CTNNAL1: variants seen among roughly 807,000 people sequenced by gnomAD.
CTNNAL1 encodes the protein catenin alpha like 1.
A neutral mutation model predicts 93.6 loss-of-function variants in CTNNAL1; 69 were observed. That is an observed-to-expected ratio of 0.74 (90% CI 0.61 to 0.90). CTNNAL1 has a LOEUF of 0.90. Ranked by LOEUF, CTNNAL1 falls within the 40% of genes least tolerant of loss-of-function variation. The probability of loss-of-function intolerance (pLI) is 0.00; values close to 1 mark genes in which losing one functional copy is unlikely to be tolerated. For synonymous variants in CTNNAL1, 286 were observed against 305.4 expected, an observed-to-expected ratio of 0.94 and a Z score of 0.66; for missense variants, 836 against 862.0, an observed-to-expected ratio of 0.97 and a Z score of 0.38.
At position 108,952,051 on chromosome 9, in the gene CTNNAL1, T is replaced by G. The variant is rs116457070; in HGVS notation, c.1835+158A>C. ...TAATTAAATACATGTGTCTTGTTGT[T>G]GCATTCACTTACGTAAATTGTCATA... On this transcript the variant is annotated intron_variant, in intron 14 of 18. Transcript: ENST00000325551. 2.5e-3 allele frequency among the ~76,000 whole-genome samples: 388 copies of G among 152,360 alleles called. 4 individuals carry two copies. Among genetic ancestry groups the G allele is most frequent in the African/African-American group, 8.7e-3 (360 of 41,590 alleles).
intron 11 of CTNNAL1, 53 bp from the exon 12 acceptor site, chr9:108,955,880 AT>A: frequency 8.7e-7 from 1 of 1,149,892 alleles, no homozygotes; most frequent in Non-Finnish European, 1.2e-6. Flanking sequence ...ATATTTTTCT[AT>A]TATTCATAGT....
chr9:109,001,147 G>A (rs1243611963), intron 1 of CTNNAL1, among the ~76,000 whole-genome samples: 4 of 146,502 alleles, frequency 2.7e-5, no homozygotes, highest in Admixed American at 6.8e-5. Flanking sequence ...ACTCCAGCCC[G>A]GGTGACAGTA....
intron 11 of CTNNAL1, among the ~76,000 whole-genome samples, chr9:108,957,820 T>A (rs1023960159): frequency 6.6e-6 from 1 of 152,042 alleles, no homozygotes; most frequent in African/African-American, 2.4e-5. Context: ...AAAGGGCACA[T>A]TAAACAGAAG....
At chr9:108,990,696 T>C in intron 4 of CTNNAL1, 30 bp downstream of exon 4, 1 of 1,599,844 alleles carries the variant, frequency 6.3e-7, no homozygotes, top group Middle Eastern at 1.7e-4. Flanking sequence ...TGTATTTATC[T>C]GAAGATTGTA....
intron 11 of CTNNAL1, among the ~76,000 whole-genome samples, chr9:108,956,149 G>T (rs1286822090): frequency 6.6e-6 from 1 of 152,180 alleles, no homozygotes; most frequent in Non-Finnish European, 1.5e-5. Context: ...TTTTACAGCA[G>T]TTTGCCTCTA....
At chr9:108,963,377 T>C (rs1830870623) in intron 11 of CTNNAL1, 1 of 152,230 alleles carries the variant, frequency 6.6e-6, no homozygotes, top group African/African-American at 2.4e-5. Flanking sequence ...TTTCAGATGA[T>C]GATGAACTCA....
At chr9:108,980,465 G>A (rs1831395920) in intron 6 of CTNNAL1, among the ~76,000 whole-genome samples, 1 of 152,158 alleles carries the variant, frequency 6.6e-6, no homozygotes, top group South Asian at 2.1e-4. Context: ...ACACTTCAAA[G>A]TCCTTTCACA....
chr9:108,951,772 T>G (rs1830571954), intron 14 of CTNNAL1, among the ~76,000 whole-genome samples: 1 of 152,230 alleles, frequency 6.6e-6, no homozygotes, highest in Non-Finnish European at 1.5e-5. Flanking sequence ...TAATGAATGG[T>G]GACTCACAGA....
intron 8 of CTNNAL1, among the ~76,000 whole-genome samples, chr9:108,973,179 T>G (rs1831167101): frequency 6.6e-6 from 1 of 152,186 alleles, no homozygotes; most frequent in African/African-American, 2.4e-5. Flanking sequence ...TTTTTCATTC[T>G]GTTATCAACC....
chr9:108,957,446 GTCACGT>G (rs1272801148), intron 11 of CTNNAL1, among the ~76,000 whole-genome samples: 1 of 152,088 alleles, frequency 6.6e-6, no homozygotes, highest in Non-Finnish European at 1.5e-5. Flanking sequence ...ATATATGTGT[GTCACGT>G]TCTGTTTCTC....
chr9:108,949,030 A>C (rs838828), intron 14 of CTNNAL1, among the ~76,000 whole-genome samples: 17,178 of 152,242 alleles, frequency 0.11, 1,141 homozygotes, highest in South Asian at 0.31. Context: ...AAAAACTATA[A>C]GGCACTAGAA....
intron 12 of CTNNAL1, among the ~76,000 whole-genome samples, chr9:108,955,102 A>G (rs1008065753): frequency 6.6e-6 from 1 of 152,028 alleles, no homozygotes; most frequent in African/African-American, 2.4e-5. Context: ...AGCTGGGATT[A>G]CAGGCCTCTG....
At chr9:108,982,710 T>C (rs1263843312) in intron 6 of CTNNAL1, among the ~76,000 whole-genome samples, 1 of 152,242 alleles carries the variant, frequency 6.6e-6, no homozygotes, top group Non-Finnish European at 1.5e-5. Context: ...AATAGATACA[T>C]TTGCTTTTGT....
At chr9:109,003,105 G>C (rs1297372517) in intron 1 of CTNNAL1, among the ~76,000 whole-genome samples, 1 of 152,164 alleles carries the variant, frequency 6.6e-6, no homozygotes, top group African/African-American at 2.4e-5. Flanking sequence ...GAAGCTAAGG[G>C]TACGACTATA....
intron 1 of CTNNAL1, among the ~76,000 whole-genome samples, chr9:109,011,505 T>G (rs893792741): frequency 1.3e-5 from 2 of 152,258 alleles, no homozygotes; most frequent in Non-Finnish European, 2.9e-5. Context: ...AATGCAGAGC[T>G]GTAAGACTGA....
Position 109,001,198 on chromosome 9 carries a change from T to G in CTNNAL1, c.142-1942A>C, listed in dbSNP as rs566340646. ...AAAAAAAAAAAAAAAAAAAAAGAAC[T>G]TATATTTTATTCTATGTATTACAGG... On this transcript the variant is annotated intron_variant, in intron 1 of 18. Transcript: ENST00000325551. Among the ~76,000 whole-genome samples the G allele has an allele frequency of 3.5e-4, 51 of 144,024 alleles. 2 individuals are homozygous for G. The South Asian group carries it at 0.011, about 31-fold the overall frequency. 94.5% of individuals were successfully genotyped at this position (144,024 alleles called of 152,430 possible).
chr9:108,968,479 G>A (rs192167545), intron 10 of CTNNAL1, among the ~76,000 whole-genome samples: 94 of 152,290 alleles, frequency 6.2e-4, no homozygotes, highest in African/African-American at 2.2e-3. Flanking sequence ...CTGAGGATAG[G>A]AGCAACAACT....
At chr9:108,972,603 G>A in intron 9 of CTNNAL1, 72 bp downstream of exon 9, 1 of 1,304,080 alleles carries the variant, frequency 7.7e-7, no homozygotes. Context: ...AACTGTATTT[G>A]TGTTAACATT....
intron 11 of CTNNAL1, among the ~76,000 whole-genome samples, chr9:108,964,624 G>A (rs1443504011): frequency 6.6e-6 from 1 of 152,056 alleles, no homozygotes; most frequent in Non-Finnish European, 1.5e-5. Flanking sequence ...AGTCATCAAG[G>A]AAAGAGATTC....
Sources: gnomAD v4.1 joint callset for allele counts (sites outside exome capture counted in the v4.1 genomes callset) on GRCh38, gnomAD v4.1.1 for gene constraint, MANE v1.5 for transcripts, NCBI Gene and HGNC (gene_info 2026-07-23, HGNC 2026-07-21) for gene names.